The following MAPK10 variants were observed in gnomAD, a reference collection of about 807,000 sequenced individuals.
MAPK10 encodes the protein JNK3 alpha protein kinase.
Under a neutral mutation model 59.3 loss-of-function variants are expected in MAPK10, and 25 were observed. The ratio of observed to expected loss-of-function variants is 0.42; its 90% CI spans 0.31 to 0.59. MAPK10 has a LOEUF of 0.59. Ranked by LOEUF, MAPK10 falls within the 20% of genes least tolerant of loss-of-function variation. The pLI is 0.15. For missense variants in MAPK10, 351 were observed against 568.9 expected, an observed-to-expected ratio of 0.62 and a Z score of 3.90; for synonymous variants, 190 against 200.5, an observed-to-expected ratio of 0.95 and a Z score of 0.44.
At chr4:86,456,788 T>A (rs1277546396), upstream of MAPK10, among the ~76,000 whole-genome samples, 3 of 151,924 alleles carry the variant, frequency 2.0e-5, 1 homozygote, top group Admixed American at 2.0e-4. Context: ...AAAAAGGGAA[T>A]CCTCCCTAAA....
intron 2 of MAPK10, among the ~76,000 whole-genome samples, chr4:86,266,837 A>G (rs1312594384): frequency 6.6e-6 from 1 of 152,134 alleles, no homozygotes; most frequent in Non-Finnish European, 1.5e-5. Context: ...TATTAAAAAT[A>G]TAATAACACA....
chr4:86,387,691 G>A (rs1741671412), intron 1 of MAPK10, among the ~76,000 whole-genome samples: 1 of 151,960 alleles, frequency 6.6e-6, no homozygotes, highest in Admixed American at 6.6e-5. Context: ...CATTCTCCTT[G>A]TGTGGCAGAA....
At chr4:86,370,906 A>T (rs1221132107) in intron 1 of MAPK10, 1 of 152,224 alleles carries the variant, frequency 6.6e-6, no homozygotes, top group Non-Finnish European at 1.5e-5. Flanking sequence ...AGATGACTCA[A>T]TGAACAGAAT....
rs375849425 is a variant in MAPK10 at position 86,014,343 on chromosome 4, TG to T, written c.*2884del. The stretch of plus-strand genomic sequence containing the variant: ...GTGTGTGTGTGTGTGTGTGTGTGTG[TG>T]TTAAGACAGACAAGTGAATGCAGAA... On this transcript the variant is annotated 3_prime_UTR_variant, in exon 14 of 14. Transcript: ENST00000641462. 0.047 allele frequency: 6,502 copies of T among 139,712 alleles called. 197 individuals are homozygous for T. The highest frequency in any genetic ancestry group is 0.068 in the Non-Finnish European group (4,452 of 65,550). The allele number at this position is 139,712 out of a possible 1,614,324, so 8.7% of individuals were successfully genotyped here.
intron 1 of MAPK10, among the ~76,000 whole-genome samples, chr4:86,381,088 T>C (rs530349175): frequency 2.3e-4 from 35 of 152,270 alleles, no homozygotes; most frequent in African/African-American, 7.9e-4. Context: ...TGTTTAAAAA[T>C]TGAAAATTTT....
intron 2 of MAPK10, among the ~76,000 whole-genome samples, chr4:86,244,285 CATA>C (rs1171783215): frequency 6.6e-6 from 1 of 152,184 alleles, no homozygotes; most frequent in Non-Finnish European, 1.5e-5. Flanking sequence ...TTTTATACCT[CATA>C]ATTTGTGAAA....
intron 11 of MAPK10, among the ~76,000 whole-genome samples, chr4:86,056,863 T>C (rs1210396246): frequency 1.3e-5 from 2 of 149,910 alleles, no homozygotes; most frequent in African/African-American, 5.0e-5. Context: ...ATAGCAACTT[T>C]AGGATTCTTT....
chr4:86,469,612 T>C (rs776725111), intron 1 of MAPK10, among the ~76,000 whole-genome samples: 11 of 152,176 alleles, frequency 7.2e-5, no homozygotes, highest in Non-Finnish European at 1.5e-4. Flanking sequence ...AGAAAGAGGA[T>C]AGTAAATACC....
chr4:86,261,283 T>C (rs9307016), intron 2 of MAPK10, among the ~76,000 whole-genome samples: 28,091 of 152,194 alleles, frequency 0.18, 2,993 homozygotes, highest in African/African-American at 0.29. Context: ...TGAATCACTT[T>C]GACAATTTAA....
intron 1 of MAPK10, among the ~76,000 whole-genome samples, chr4:86,378,296 C>T (rs189806539): frequency 2.0e-4 from 30 of 152,248 alleles, no homozygotes; most frequent in Non-Finnish European, 3.7e-4. Flanking sequence ...AGAATGCTTC[C>T]ACCTCATGGC....
rs180843150 is a variant in MAPK10, at chr4:86,308,051, G to A, written c.-7+46479C>T. ...AACAATTAACAGAGAAAGGCCTGTCGAAAATGACTCAGATTCTGACACTAG... is the reference window on the plus strand; with the variant it reads ...AACAATTAACAGAGAAAGGCCTGTCAAAAATGACTCAGATTCTGACACTAG... On this transcript the variant is annotated intron_variant, in intron 2 of 13. Transcript: ENST00000641462. Among the ~76,000 whole-genome samples the A allele has an allele frequency of 7.2e-4, 109 of 152,204 alleles. 1 individual carries two copies. Among genetic ancestry groups the A allele is most frequent in the Admixed American group, 3.5e-3 (54 of 15,284 alleles).
chr4:86,098,084 C>T (rs2054576946), intron 9 of MAPK10, among the ~76,000 whole-genome samples: 1 of 151,994 alleles, frequency 6.6e-6, no homozygotes, highest in Non-Finnish European at 1.5e-5. Flanking sequence ...TCAACAAAGC[C>T]ATAGACAGAA....
chr4:86,234,483 A>G lies in MAPK10; in HGVS notation c.-6-40076T>C, dbSNP rs182750481. On this transcript the variant is annotated intron_variant, in intron 2 of 13. Coordinates refer to ENST00000641462, the MANE Select transcript of MAPK10 (RefSeq NM_138982.4). ...ATTTGGTTTTCACTTTAACTTTCTT[A>G]CTATCATATCTCAGGTACTTTTATC... Among the ~76,000 whole-genome samples the G allele has an allele frequency of 1.4e-3, 218 of 152,178 alleles. 2 individuals carry two copies. Among genetic ancestry groups the G allele is most frequent in the African/African-American group, 5.1e-3 (210 of 41,564 alleles).
intron 1 of MAPK10, among the ~76,000 whole-genome samples, chr4:86,508,912 G>A (rs1031619306): frequency 3.3e-5 from 5 of 152,100 alleles, no homozygotes; most frequent in African/African-American, 9.7e-5. Context: ...GCTTTTCCTC[G>A]TGCATGTTTT....
intron 4 of MAPK10, among the ~76,000 whole-genome samples, chr4:86,146,950 A>G (rs997063595): frequency 2.6e-5 from 4 of 152,212 alleles, no homozygotes; most frequent in Non-Finnish European, 5.9e-5. Context: ...TTATATCACT[A>G]TGACATAGCC....
At position 86,590,718 on chromosome 4, in the gene MAPK10, T is replaced by C. The variant is rs567974224; in HGVS notation, c.-263+3192A>G. 2.8e-3 allele frequency among the ~76,000 whole-genome samples: 420 copies of C among 152,056 alleles called. 3 individuals carry two copies. The highest frequency in any genetic ancestry group is 9.8e-3 in the African/African-American group (407 of 41,490). ...GGAGGATAGCTTGAGCATAGGAGGT[T>C]GAGGCTGCAGTGAGCTGTGACCACA... is the stretch of plus-strand genomic sequence containing the variant. On this transcript the variant is annotated intron_variant, in intron 1 of 4. Coordinates refer to the MAPK10 transcript ENST00000502302.
chr4:86,214,625 A>ACAAT (rs988000216), intron 2 of MAPK10, among the ~76,000 whole-genome samples: 7 of 152,000 alleles, frequency 4.6e-5, no homozygotes, highest in African/African-American at 1.7e-4. Context: ...CTAACAATGA[A>ACAAT]CAATCTGAAA....
In MAPK10 at chr4:86,479,700, C is replaced by T. The variant is rs188145223; in HGVS notation, c.-263+114210G>A. 2.0e-4 allele frequency among the ~76,000 whole-genome samples: 30 copies of T among 152,272 alleles called. 2 individuals carry two copies. The East Asian group carries it at 3.9e-3, about 20-fold the overall frequency. ...TTGCCGGCAGGGCTATGCTGAACTT[C>T]CTTAGGCACTCTCTAGTTAGATGTC... On this transcript the variant is annotated intron_variant, in intron 1 of 4. Coordinates refer to the MAPK10 transcript ENST00000502302.
rs2055879608 is a variant in MAPK10 at position 86,103,249 on chromosome 4, AAG to A, written c.367-7_367-6del. 1.5e-6 allele frequency: 2 copies of A among 1,375,370 alleles called. No homozygotes were observed. The highest frequency in any genetic ancestry group is 2.3e-5 in the South Asian group (2 of 85,910). The allele number at this position is 1,375,370 out of a possible 1,614,324, so 85.2% of individuals were successfully genotyped here. On this transcript the variant is annotated splice_polypyrimidine_tract_variant and splice_region_variant and intron_variant, in intron 5 of 13. Transcript: ENST00000641462. The stretch of plus-strand genomic sequence containing the variant: ...GACATTTAATAAACTAATAATCTGA[AAG>A]AGAGTGGAAGGGACAGAGGAAACGA...
Sources: gnomAD v4.1 joint callset for allele counts (sites outside exome capture counted in the v4.1 genomes callset) on GRCh38, gnomAD v4.1.1 for gene constraint, MANE v1.5 for transcripts, NCBI Gene and HGNC (gene_info 2026-07-23, HGNC 2026-07-21) for gene names.